MMP16: variants seen among roughly 807,000 people sequenced by gnomAD.
The protein encoded by MMP16 is matrix metalloproteinase-16.
MMP16 carries 12 observed loss-of-function variants against 67.8 expected under a neutral mutation model. The observed-to-expected ratio is 0.18, with a 90% CI of 0.11 to 0.29. MMP16 has a LOEUF of 0.29. Ranked by LOEUF, MMP16 falls within the 10% of genes least tolerant of loss-of-function variation. The pLI is 1.00. For missense variants in MMP16, 475 were observed against 765.7 expected (o/e 0.62, Z 4.48); for synonymous variants, 249 against 255.9 (o/e 0.97, Z 0.26).
chr8:88,064,513 T>A (rs1204476325), intron 7 of MMP16, among the ~76,000 whole-genome samples: 1 of 152,094 alleles, frequency 6.6e-6, no homozygotes, highest in Non-Finnish European at 1.5e-5. Flanking sequence ...TGAGCTTTCC[T>A]TTCATAATTT....
At chr8:88,102,417 G>A (rs937323649) in intron 6 of MMP16, among the ~76,000 whole-genome samples, 1 of 151,824 alleles carries the variant, frequency 6.6e-6, no homozygotes, top group East Asian at 2.0e-4. Flanking sequence ...ACTGAGGTAT[G>A]GGGGGAGTGG....
At chr8:88,082,554 C>G (rs2248057) in intron 6 of MMP16, among the ~76,000 whole-genome samples, 74,389 of 151,936 alleles carry the variant, frequency 0.49, 18,479 homozygotes, top group East Asian at 0.59. Context: ...CAAATGTATT[C>G]TATCTTCTGT....
At chr8:88,278,042 A>G (rs915275214) in intron 1 of MMP16, among the ~76,000 whole-genome samples, 1 of 152,204 alleles carries the variant, frequency 6.6e-6, no homozygotes, top group Non-Finnish European at 1.5e-5. Context: ...AACTCTATAC[A>G]TGGCAGGCAA....
At chr8:88,230,092 T>C (rs2129870387) in intron 1 of MMP16, among the ~76,000 whole-genome samples, 2 of 152,220 alleles carry the variant, frequency 1.3e-5, no homozygotes, top group Middle Eastern at 6.8e-3. Flanking sequence ...TGCCTACTTG[T>C]GGTGTCCATC....
chr8:88,053,804 A>T (rs968155567), intron 8 of MMP16, among the ~76,000 whole-genome samples: 3 of 152,174 alleles, frequency 2.0e-5, no homozygotes, highest in Non-Finnish European at 4.4e-5. Context: ...GACATCTTAC[A>T]TAAGATCACA....
rs145786495 is a variant in MMP16 at position 88,148,909 on chromosome 8, A to T, written c.709+18760T>A. Among the ~76,000 whole-genome samples, 1,260 of 152,316 alleles carry T rather than the reference A, an allele frequency of 8.3e-3. 12 individuals carry two copies. Among genetic ancestry groups the T allele is most frequent in the Middle Eastern group, 0.014 (4 of 294 alleles). ...CGGTCTACAGCTCCCAGCGTGAGCG[A>T]CGCAGAAGACGGGTGATTTCTGCAT... On this transcript the variant is annotated intron_variant, in intron 4 of 9. Transcript: ENST00000286614.
chr8:88,213,624 A>G (rs552716356), intron 1 of MMP16, among the ~76,000 whole-genome samples: 9 of 152,280 alleles, frequency 5.9e-5, no homozygotes, highest in East Asian at 1.9e-4. Flanking sequence ...TATAACAGTC[A>G]TAAGACTGAT....
chr8:88,238,508 A>G (rs914743671), intron 1 of MMP16, among the ~76,000 whole-genome samples: 5 of 151,826 alleles, frequency 3.3e-5, no homozygotes, highest in African/African-American at 1.2e-4. Flanking sequence ...AAATACAAAA[A>G]TTAGCTGGAT....
At chr8:88,198,424 C>A (rs1809290464) in intron 1 of MMP16, among the ~76,000 whole-genome samples, 1 of 152,082 alleles carries the variant, frequency 6.6e-6, no homozygotes, top group Non-Finnish European at 1.5e-5. Context: ...GCATGTGTTA[C>A]CCTTCCTACC....
intron 4 of MMP16, among the ~76,000 whole-genome samples, chr8:88,152,064 C>T (rs1437945576): frequency 2.6e-5 from 1 of 38,830 alleles, no homozygotes; most frequent in Admixed American, 3.0e-4. Context: ...TACAAACTAC[C>T]ATCAGAGAAT....
chr8:88,131,737 C>A (rs186037028), intron 4 of MMP16, among the ~76,000 whole-genome samples: 20 of 151,808 alleles, frequency 1.3e-4, no homozygotes, highest in Non-Finnish European at 2.2e-4. Context: ...TTCACCCACA[C>A]GTAGCTTAAT....
chr8:88,274,159 G>A (rs1368378697), intron 1 of MMP16, among the ~76,000 whole-genome samples: 1 of 152,030 alleles, frequency 6.6e-6, no homozygotes, highest in Non-Finnish European at 1.5e-5. Flanking sequence ...AATTTAAAGT[G>A]AGACCAATCA....
intron 6 of MMP16, among the ~76,000 whole-genome samples, chr8:88,103,861 A>G (rs1809189399): frequency 6.6e-6 from 1 of 151,824 alleles, no homozygotes; most frequent in African/African-American, 2.4e-5. Context: ...ATAAGTGGTT[A>G]GCTTGATTTA....
intron 3 of MMP16, among the ~76,000 whole-genome samples, chr8:88,173,205 C>T (rs2129717186): frequency 6.6e-6 from 1 of 152,148 alleles, no homozygotes; most frequent in South Asian, 2.1e-4. Flanking sequence ...TTGTGCACCA[C>T]CACGCCTGGC....
chr8:88,088,475 G>C (rs568738646), intron 6 of MMP16, among the ~76,000 whole-genome samples: 1 of 151,992 alleles, frequency 6.6e-6, no homozygotes, highest in Non-Finnish European at 1.5e-5. Flanking sequence ...GGCTGAATGA[G>C]AGATTTGCTC....
chr8:88,101,455 G>A (rs1586151979), intron 6 of MMP16, among the ~76,000 whole-genome samples: 1 of 152,008 alleles, frequency 6.6e-6, no homozygotes, highest in East Asian at 2.0e-4. Context: ...AGAGATTTCA[G>A]GATTATGAAT....
chr8:88,255,072 C>T (rs1810281041), intron 1 of MMP16, among the ~76,000 whole-genome samples: 1 of 152,138 alleles, frequency 6.6e-6, no homozygotes, highest in Non-Finnish European at 1.5e-5. Flanking sequence ...TCTGTCCCCT[C>T]CAAATCTCAT....
chr8:88,236,215 G>C (rs139735042), intron 1 of MMP16, among the ~76,000 whole-genome samples: 38 of 152,332 alleles, frequency 2.5e-4, no homozygotes, highest in African/African-American at 8.4e-4. Flanking sequence ...TGCTAGAATG[G>C]TTGAGATCAC....
chr8:88,325,742 G>T (rs920197389), intron 1 of MMP16, among the ~76,000 whole-genome samples: 6 of 151,712 alleles, frequency 4.0e-5, no homozygotes, highest in South Asian at 2.1e-4. Flanking sequence ...TTCAAATTGG[G>T]TTTTTTTTGT....
Sources: allele counts gnomAD v4.1 joint callset (sites outside exome capture counted in the v4.1 genomes callset), GRCh38; gene constraint gnomAD v4.1.1; transcripts MANE v1.5; gene names NCBI Gene and HGNC (gene_info 2026-07-23, HGNC 2026-07-21).